Variants in SPACA9 observed in about 807,000 individuals in gnomAD.
SPACA9 encodes the protein sperm acrosome-associated protein 9.
In SPACA9, 14 loss-of-function variants were observed where a neutral mutation model predicts 12.5. That is an observed-to-expected ratio of 1.12 (90% CI 0.74 to 1.75). The LOEUF (loss-of-function observed/expected upper bound fraction) is 1.75, where lower values mean the gene tolerates loss of function less well. Among genes scored for constraint, SPACA9 ranks in the 40% most tolerant of loss-of-function variants. The pLI is 0.00. For synonymous variants in SPACA9, 111 were observed against 114.1 expected, an observed-to-expected ratio of 0.97 and a Z score of 0.17; for missense variants, 292 against 291.9, an observed-to-expected ratio of 1.00 and a Z score of 0.00.
At chr9:132,880,283 G>T (rs753128168) in intron 1 of SPACA9, among the ~76,000 whole-genome samples, 1 of 151,858 alleles carries the variant, frequency 6.6e-6, no homozygotes, top group Non-Finnish European at 1.5e-5. Context: ...CCCCCAGATC[G>T]AGAAGTGCCC....
chr9:132,881,900 C>T (rs1190992513), intron 1 of SPACA9, among the ~76,000 whole-genome samples: 2 of 152,220 alleles, frequency 1.3e-5, no homozygotes, highest in Non-Finnish European at 2.9e-5. Context: ...TCCCTCACCT[C>T]ACCCTAGTTG....
Position 132,888,576 on chromosome 9 carries a change from A to G in SPACA9, c.634A>G (p.Lys212Glu), listed in dbSNP as rs776482949. 1.9e-6 allele frequency: 3 copies of G among 1,548,512 alleles called. No homozygotes were observed. Among genetic ancestry groups the G allele is most frequent in the Admixed American group, 3.9e-5 (2 of 50,634 alleles). The change falls in exon 4 of 4, where the codon AAA becomes GAA. Residue 212 changes from lysine to glutamate, a missense_variant. Transcript: ENST00000356311. This position sits in a 1 kb window ranked among gnomAD's most constrained non-coding sequence, Gnocchi z 5.0. ...KASLKPRGCS[K>E]PPWRPPGGKL ...CAGCCTCAAACCCAGGGGATGTTCA[A>G]AACCACCCTGGAGGCCTCCTGGTGG...
rs977402572 is a variant in SPACA9, at chr9:132,888,219, G to A, written c.348-71G>A. 11 of 1,547,566 alleles carry A rather than the reference G, an allele frequency of 7.1e-6. No individual in the cohort carries two copies. Among genetic ancestry groups the A allele is most frequent in the African/African-American group, 2.7e-5 (2 of 73,086 alleles). The stretch of plus-strand genomic sequence containing the variant: ...CAGGTGACTCTGCTGTGCCTGAGGT[G>A]TGGCAGCTGCTTGCCACGGCATGGC... On this transcript the variant is annotated intron_variant, in intron 3 of 3. Transcript: ENST00000356311. The surrounding 1 kb of genome is among the most constrained non-coding windows in gnomAD (Gnocchi z 5.0).
Position 132,888,823 on chromosome 9 carries a change from G to C in SPACA9, c.*212G>C, listed in dbSNP as rs191942467. 8.4e-7 allele frequency: 1 copy of C among 1,191,462 alleles called. No homozygotes were observed. The highest frequency in any genetic ancestry group is 3.7e-5 in the Admixed American group (1 of 27,150). 73.8% of individuals were successfully genotyped at this position (1,191,462 alleles called of 1,614,324 possible). A position where few individuals can be genotyped will look rare whatever the true frequency, so the allele number is the denominator to read the frequency against. ...CGCTCTGTCGCCCAGGCTGGAGTGC[G>C]GTGGCGCAACCTCGGCTCACTGCAA... On this transcript the variant is annotated 3_prime_UTR_variant, in exon 4 of 4. Coordinates refer to ENST00000356311, the MANE Select transcript of SPACA9 (RefSeq NM_001316897.2). The surrounding 1 kb of genome is among the most constrained non-coding windows in gnomAD (Gnocchi z 5.0).
rs149753113 is a variant in SPACA9 at position 132,887,674 on chromosome 9, C to T, written c.347+103C>T. The T allele has an allele frequency of 1.3e-3, 1,170 of 933,902 alleles. 8 individuals carry two copies. In the African/African-American group the frequency reaches 0.018, roughly 14 times the overall value. 57.9% of individuals were successfully genotyped at this position (933,902 alleles called of 1,614,324 possible). A position where few individuals can be genotyped will look rare whatever the true frequency, so the allele number is the denominator to read the frequency against. ...CTGGATCATGGTGCTCCTATTAGAC[C>T]ACCCCGGGCAGGAAATCCCAGTCTC... On this transcript the variant is annotated intron_variant, in intron 3 of 3. Transcript: ENST00000356311. The surrounding 1 kb of genome is among the most constrained non-coding windows in gnomAD (Gnocchi z 5.4).
chr9:132,889,711 G>T lies in SPACA9; in HGVS notation c.*1100G>T. ...ATTACAGGTGTGAGCCACGGCACCT[G>T]GCCAGAACTCAGTAGTGTGTTTAGT... is the stretch of plus-strand genomic sequence containing the variant. On this transcript the variant is annotated 3_prime_UTR_variant, in exon 4 of 4. Transcript: ENST00000356311. The T allele has an allele frequency of 8.8e-7, 1 of 1,142,654 alleles. No individual in the cohort carries two copies. The highest frequency in any genetic ancestry group is 1.1e-6 in the Non-Finnish European group (1 of 926,950). The allele number at this position is 1,142,654 out of a possible 1,614,324, so 70.8% of individuals were successfully genotyped here. A position where few individuals can be genotyped will look rare whatever the true frequency, so the allele number is the denominator to read the frequency against.
rs750333522 is a variant in SPACA9, at chr9:132,887,452, G to A, written c.228G>A (p.Leu76=). The A allele has an allele frequency of 1.2e-6, 2 of 1,613,364 alleles. No individual in the cohort carries two copies. The highest frequency in any genetic ancestry group is 4.5e-5 in the East Asian group (2 of 44,880). ...TGTTCCTGGACATCTGTTCAGAGCTGAATAAGCTCTGCCAGCACTTTGAGG... is the reference window on the plus strand; with the variant it reads ...TGTTCCTGGACATCTGTTCAGAGCTAAATAAGCTCTGCCAGCACTTTGAGG... ...LLMFLDICSE[L]NKLCQHFEAV... The change falls in exon 3 of 4, where the codon CTG becomes CTA. Residue 76 remains leucine (L), a synonymous_variant. Coordinates refer to ENST00000356311, the MANE Select transcript of SPACA9 (RefSeq NM_001316897.2). This position sits in a 1 kb window ranked among gnomAD's most constrained non-coding sequence, Gnocchi z 5.4.
upstream of SPACA9, chr9:132,878,399 C>G (rs777656925): frequency 8.1e-7 from 1 of 1,242,104 alleles, no homozygotes; most frequent in South Asian, 4.0e-5. This position sits in a 1 kb window ranked among gnomAD's most constrained non-coding sequence, Gnocchi z 4.7. Flanking sequence ...GGGTCGCCCC[C>G]GCCCCGACCT....
rs1021465565 is a variant in SPACA9, at chr9:132,888,206, C to T, written c.348-84C>T. On this transcript the variant is annotated intron_variant, in intron 3 of 3. Coordinates refer to ENST00000356311, the MANE Select transcript of SPACA9 (RefSeq NM_001316897.2). The surrounding 1 kb of genome is among the most constrained non-coding windows in gnomAD (Gnocchi z 5.0). ...TCTAAAGCCTCCCCAGGTGACTCTG[C>T]TGTGCCTGAGGTGTGGCAGCTGCTT... is the stretch of plus-strand genomic sequence containing the variant. 5.8e-6 allele frequency: 9 copies of T among 1,540,412 alleles called. No individual in the cohort carries two copies. The African/African-American group carries it at 1.1e-4, about 19-fold the overall frequency.
Position 132,884,052 on chromosome 9 carries a change from C to A in SPACA9, c.105C>A (p.Asn35Lys). The A allele has an allele frequency of 1.2e-6, 2 of 1,614,164 alleles. No homozygotes were observed. Among genetic ancestry groups the A allele is most frequent in the Non-Finnish European group, 1.7e-6 (2 of 1,180,022 alleles). The change falls in exon 2 of 4, where the codon AAC (asparagine) becomes AAA (lysine). Residue 35 changes from asparagine to lysine, a missense_variant. By Grantham distance (94) the Asn-to-Lys change is moderately conservative. Transcript: ENST00000356311. ...CCGCTCTGGAGCACTGCAGGGAGAA[C>A]GCCCACGACAAGATCCGGCCCATCT... Reference protein sequence around the residue: ...FTAALEHCRENAHDKIRPISS... With the variant: ...FTAALEHCREKAHDKIRPISS...
chr9:132,881,384 CTT>C (rs1184601893), intron 1 of SPACA9, among the ~76,000 whole-genome samples: 5 of 150,824 alleles, frequency 3.3e-5, no homozygotes, highest in African/African-American at 4.9e-5. Flanking sequence ...GGGAGGATCA[CTT>C]GAGCCCAGGA....
At chr9:132,878,399 C>T (rs777656925), upstream of SPACA9, 80 of 1,241,988 alleles carry the variant, frequency 6.4e-5, no homozygotes, top group Non-Finnish European at 7.9e-5. The surrounding 1 kb of genome is among the most constrained non-coding windows in gnomAD (Gnocchi z 4.7). Flanking sequence ...GGGTCGCCCC[C>T]GCCCCGACCT....
chr9:132,888,549 G>C lies in SPACA9; in HGVS notation c.607G>C (p.Ala203Pro), dbSNP rs1385093772. The C allele has an allele frequency of 5.8e-6, 9 of 1,555,010 alleles. No homozygotes were observed. The highest frequency in any genetic ancestry group is 7.0e-6 in the Non-Finnish European group (8 of 1,149,518). The change falls in exon 4 of 4, where the codon GCC (alanine) becomes CCC (proline). Residue 203 changes from alanine (A) to proline (P), a missense_variant. Transcript: ENST00000356311. The surrounding 1 kb of genome is among the most constrained non-coding windows in gnomAD (Gnocchi z 5.0). Reference protein sequence around the residue: ...TKHKCRQLTKASLKPRGCSKP... With the variant: ...TKHKCRQLTKPSLKPRGCSKP... ...ACACAAGTGTAGACAGCTCACAAAA[G>C]CCAGCCTCAAACCCAGGGGATGTTC...
intron 1 of SPACA9, among the ~76,000 whole-genome samples, chr9:132,882,052 T>C (rs1844441882): frequency 6.6e-6 from 1 of 152,144 alleles, no homozygotes; most frequent in South Asian, 2.1e-4. Context: ...ATTCCCCACC[T>C]TCAGCTCTCC....
intron 2 of SPACA9, among the ~76,000 whole-genome samples, chr9:132,884,454 A>G (rs1310942050): frequency 6.6e-6 from 1 of 152,202 alleles, no homozygotes; most frequent in Non-Finnish European, 1.5e-5. Flanking sequence ...ACTGGTGACC[A>G]GAGGGATCCT....
At position 132,888,764 on chromosome 9, in the gene SPACA9, T is replaced by A; in HGVS notation, c.*153T>A. 1 of 1,410,210 alleles carries A rather than the reference T, an allele frequency of 7.1e-7. No individual in the cohort carries two copies. Among genetic ancestry groups the A allele is most frequent in the South Asian group, 1.6e-5 (1 of 61,358 alleles). The allele number at this position is 1,410,210 out of a possible 1,614,324, so 87.4% of individuals were successfully genotyped here. A position where few individuals can be genotyped will look rare whatever the true frequency, so the allele number is the denominator to read the frequency against. ...TACTGAGACTTCCTCTCTCTCTTCT[T>A]GCTTTAACTTCTTTTTTTTTTGAGA... On this transcript the variant is annotated 3_prime_UTR_variant, in exon 4 of 4. Coordinates refer to ENST00000356311, the MANE Select transcript of SPACA9 (RefSeq NM_001316897.2). This position sits in a 1 kb window ranked among gnomAD's most constrained non-coding sequence, Gnocchi z 5.0.
intron 2 of SPACA9, among the ~76,000 whole-genome samples, chr9:132,885,741 A>G (rs553792463): frequency 2.0e-5 from 3 of 152,316 alleles, no homozygotes; most frequent in Admixed American, 1.3e-4. Flanking sequence ...AGAAGCTTCA[A>G]AAGTCAACAA....
chr9:132,878,885 G>T, upstream of SPACA9: 1 of 616,812 alleles, frequency 1.6e-6, no homozygotes, highest in Non-Finnish European at 2.0e-6. The surrounding 1 kb of genome is among the most constrained non-coding windows in gnomAD (Gnocchi z 4.7). Context: ...CTCGCCCGAC[G>T]TCCCCACCCA....
chr9:132,878,381 G>C, upstream of SPACA9: 1 of 1,244,846 alleles, frequency 8.0e-7, no homozygotes, highest in Non-Finnish European at 1.0e-6. The surrounding 1 kb of genome is among the most constrained non-coding windows in gnomAD (Gnocchi z 4.7). Context: ...CCCGATCCTC[G>C]GTCGCGCGGG....
Sources: gnomAD v4.1 joint callset for allele counts (sites outside exome capture counted in the v4.1 genomes callset) on GRCh38, gnomAD v4.1.1 for gene constraint, Gnocchi (gnomAD v3.1) non-coding constraint, MANE v1.5 for transcripts, NCBI Gene and HGNC (gene_info 2026-07-23, HGNC 2026-07-21) for gene names.